OR2AG1: variants seen among roughly 807,000 people sequenced by gnomAD.
The protein encoded by OR2AG1 is olfactory receptor 2AG1.
For synonymous variants in OR2AG1, 157 were observed against 155.6 expected (o/e 1.01, Z -0.07); for missense variants, 391 against 385.9 (o/e 1.01, Z -0.11).
In OR2AG1 at chr11:6,785,030, A is replaced by G. The variant is rs747573420; in HGVS notation, c.-8A>G. On this transcript the variant is annotated 5_prime_UTR_variant, in exon 2 of 2. Coordinates refer to ENST00000641258, the MANE Select transcript of OR2AG1 (RefSeq NM_001004489.3). ...CATCTTGTTCTAGGTGATGAAAGAA[A>G]CCACAGCATGGAGCTCTGGAACTTC... 5.1e-6 allele frequency: 8 copies of G among 1,568,958 alleles called. No individual in the cohort carries two copies. Among genetic ancestry groups the G allele is most frequent in the Admixed American group, 3.6e-5 (2 of 56,004 alleles).
At position 6,791,417 on chromosome 11, in the gene OR2AG1, A is replaced by G. The variant is rs1027028158; in HGVS notation, c.*5429A>G. 2 of 152,218 alleles carry G rather than the reference A, an allele frequency of 1.3e-5. No homozygotes were observed. Among genetic ancestry groups the G allele is most frequent in the Non-Finnish European group, 2.9e-5 (2 of 68,048 alleles). 9.4% of individuals were successfully genotyped at this position (152,218 alleles called of 1,614,324 possible). On this transcript the variant is annotated 3_prime_UTR_variant, in exon 2 of 2. Coordinates refer to ENST00000641258, the MANE Select transcript of OR2AG1 (RefSeq NM_001004489.3). ...GCCCGCTTCTCTACCAAGCACACGG[A>G]GATGTCCACTTATTCTTGCTGGCAC...
Position 6,788,436 on chromosome 11 carries a change from G to T in OR2AG1, c.*2448G>T, listed in dbSNP as rs1218355623. 1.3e-5 allele frequency: 2 copies of T among 151,926 alleles called. No individual in the cohort carries two copies. The highest frequency in any genetic ancestry group is 4.8e-5 in the African/African-American group (2 of 41,338). 9.4% of individuals were successfully genotyped at this position (151,926 alleles called of 1,614,324 possible). A position where few individuals can be genotyped will look rare whatever the true frequency, so the allele number is the denominator to read the frequency against. On this transcript the variant is annotated 3_prime_UTR_variant, in exon 2 of 2. Transcript: ENST00000641258. Reference sequence around the variant, plus strand: ...TTCTATTATTTTACTACCTTCATCAGACATGTTCTAGTAAGCTATATTTTG... The same window carrying T: ...TTCTATTATTTTACTACCTTCATCATACATGTTCTAGTAAGCTATATTTTG...
Position 6,787,168 on chromosome 11 carries a change from C to A in OR2AG1, c.*1180C>A, listed in dbSNP as rs1230258306. On this transcript the variant is annotated 3_prime_UTR_variant, in exon 2 of 2. Coordinates refer to ENST00000641258, the MANE Select transcript of OR2AG1 (RefSeq NM_001004489.3). ...TACACGTATTTATATGAATTTCCTTCCATTTTAATACAGGCATGCATTTTA... is the reference window on the plus strand; with the variant it reads ...TACACGTATTTATATGAATTTCCTTACATTTTAATACAGGCATGCATTTTA... The A allele has an allele frequency of 2.0e-5, 3 of 152,110 alleles. No individual in the cohort carries two copies. Among genetic ancestry groups the A allele is most frequent in the African/African-American group, 7.2e-5 (3 of 41,422 alleles). 9.4% of individuals were successfully genotyped at this position (152,110 alleles called of 1,614,324 possible).
chr11:6,787,654 C>CGTGTGTGT lies in OR2AG1; in HGVS notation c.*1689_*1696dup, dbSNP rs10561605. On this transcript the variant is annotated 3_prime_UTR_variant, in exon 2 of 2. Coordinates refer to ENST00000641258, the MANE Select transcript of OR2AG1 (RefSeq NM_001004489.3). The stretch of plus-strand genomic sequence containing the variant: ...ATCATTGTTTTACCTTTAACATTGT[C>CGTGTGTGT]GTGTGTGTGTGTGTGTGTGTGTGTG... 6.8e-6 allele frequency: 1 copy of CGTGTGTGT among 146,938 alleles called. No homozygotes were observed. The highest frequency in any genetic ancestry group is 2.0e-4 in the East Asian group (1 of 5,012). 9.1% of individuals were successfully genotyped at this position (146,938 alleles called of 1,614,324 possible).
In OR2AG1 at chr11:6,787,731, A is replaced by G. The variant is rs941261618; in HGVS notation, c.*1743A>G. 2 of 150,990 alleles carry G rather than the reference A, an allele frequency of 1.3e-5. No individual in the cohort carries two copies. The highest frequency in any genetic ancestry group is 2.9e-5 in the Non-Finnish European group (2 of 67,814). 9.4% of individuals were successfully genotyped at this position (150,990 alleles called of 1,614,324 possible). ...TGTGTGTGTGAAATCAATAATGTCA[A>G]TCTCTTGGATGTGTGACTTTTTTTC... On this transcript the variant is annotated 3_prime_UTR_variant, in exon 2 of 2. Transcript: ENST00000641258.
At chr11:6,784,240 G>A (rs1348151899) in intron 1 of OR2AG1, among the ~76,000 whole-genome samples, 1 of 152,136 alleles carries the variant, frequency 6.6e-6, no homozygotes. Flanking sequence ...ATGCTCTCTT[G>A]CTCCCTTTCA....
chr11:6,786,254 G>T lies in OR2AG1; in HGVS notation c.*266G>T. ...TTCCCAGGAAGGTATTTAGTTAAAT[G>T]GGTTCCCACCTTGGGACATGACCCC... On this transcript the variant is annotated 3_prime_UTR_variant, in exon 2 of 2. Transcript: ENST00000641258. The T allele has an allele frequency of 2.9e-6, 1 of 341,700 alleles. No individual in the cohort carries two copies. Among genetic ancestry groups the T allele is most frequent in the Non-Finnish European group, 5.3e-6 (1 of 189,600 alleles). The allele number at this position is 341,700 out of a possible 1,614,324, so 21.2% of individuals were successfully genotyped here.
intron 1 of OR2AG1, among the ~76,000 whole-genome samples, chr11:6,783,923 G>A (rs1000977663): frequency 2.0e-5 from 3 of 152,220 alleles, no homozygotes; most frequent in Non-Finnish European, 4.4e-5. Context: ...CATATATGGG[G>A]AAATGATTGA....
rs1403304069 is a variant in OR2AG1, at chr11:6,788,888, C to T, written c.*2900C>T. 1 of 150,702 alleles carries T rather than the reference C, an allele frequency of 6.6e-6. No individual in the cohort carries two copies. Among genetic ancestry groups the T allele is most frequent in the East Asian group, 2.0e-4 (1 of 5,128 alleles). 9.3% of individuals were successfully genotyped at this position (150,702 alleles called of 1,614,324 possible). On this transcript the variant is annotated 3_prime_UTR_variant, in exon 2 of 2. Transcript: ENST00000641258. Reference sequence around the variant, plus strand: ...CACCACTGCACTCCAGCCTGGGCAACAGAGTGAGATTCTGTCACAAAATAA... The same window carrying T: ...CACCACTGCACTCCAGCCTGGGCAATAGAGTGAGATTCTGTCACAAAATAA...
At position 6,785,245 on chromosome 11, in the gene OR2AG1, G is replaced by C; in HGVS notation, c.208G>C (p.Asp70His). The C allele has an allele frequency of 6.2e-7, 1 of 1,614,092 alleles. No homozygotes were observed. The highest frequency in any genetic ancestry group is 1.1e-5 in the South Asian group (1 of 91,074). The change falls in exon 2 of 2, where the codon GAC becomes CAC. Residue 70 changes from aspartate to histidine, a missense_variant. By Grantham distance (81) the Asp-to-His change is moderately conservative. Transcript: ENST00000641258. ...YLLLGQLSLM[D>H]LLFTSVVTPK... ...CCTGCTTGGGCAGCTCTCTCTCATG[G>C]ACCTCCTGTTCACATCTGTTGTCAC...
Position 6,785,850 on chromosome 11 carries a change from C to G in OR2AG1, c.813C>G (p.Asp271Glu), listed in dbSNP as rs1314240265. 16 of 1,614,130 alleles carry G rather than the reference C, an allele frequency of 9.9e-6. No homozygotes were observed. Among genetic ancestry groups the G allele is most frequent in the Non-Finnish European group, 1.4e-5 (16 of 1,180,014 alleles). The change falls in exon 2 of 2, where the codon GAC becomes GAG. Residue 271 changes from aspartate (D) to glutamate (E), a missense_variant. Transcript: ENST00000641258. ...LPSSFHSTRQ[D>E]NIISVFYTIV... ...GTTCCTTCCACAGCACCAGACAAGA[C>G]AACATCATCTCTGTTTTCTACACAA... is the stretch of plus-strand genomic sequence containing the variant.
rs1167861494 is a variant in OR2AG1 at position 6,785,512 on chromosome 11, T to A, written c.475T>A (p.Tyr159Asn). The change falls in exon 2 of 2, where the codon TAT (tyrosine) becomes AAT (asparagine). Residue 159 changes from tyrosine to asparagine, a missense_variant. Physicochemically the swap from Tyr to Asn is moderately radical, Grantham distance 143 (BLOSUM62 -2). Coordinates refer to ENST00000641258, the MANE Select transcript of OR2AG1 (RefSeq NM_001004489.3). ...WILASLSALI[Y>N]TVYTMHYPFC... ...CCTGGCATCCCTAAGTGCCCTAATATATACCGTGTATACCATGCACTATCC... is the reference window on the plus strand; with the variant it reads ...CCTGGCATCCCTAAGTGCCCTAATAAATACCGTGTATACCATGCACTATCC... 6.2e-7 allele frequency: 1 copy of A among 1,613,994 alleles called. No individual in the cohort carries two copies. Among genetic ancestry groups the A allele is most frequent in the Admixed American group, 1.7e-5 (1 of 60,022 alleles).
chr11:6,787,407 G>A lies in OR2AG1; in HGVS notation c.*1419G>A, dbSNP rs1408310011. 1 of 152,144 alleles carries A rather than the reference G, an allele frequency of 6.6e-6. No homozygotes were observed. Among genetic ancestry groups the A allele is most frequent in the East Asian group, 1.9e-4 (1 of 5,200 alleles). The allele number at this position is 152,144 out of a possible 1,614,324, so 9.4% of individuals were successfully genotyped here. A position where few individuals can be genotyped will look rare whatever the true frequency, so the allele number is the denominator to read the frequency against. On this transcript the variant is annotated 3_prime_UTR_variant, in exon 2 of 2. Transcript: ENST00000641258. Reference sequence around the variant, plus strand: ...GCCCAAGTCTGCAAGTTTGCAAAGTGTAAGTTGACATTAACAATAAGACCT... The same window carrying A: ...GCCCAAGTCTGCAAGTTTGCAAAGTATAAGTTGACATTAACAATAAGACCT...
rs1463954 is a variant in OR2AG1 at position 6,783,036 on chromosome 11, C to A, written c.-456C>A. The A allele has an allele frequency of 0.26, 40,156 of 152,174 alleles. 5,795 individuals carry two copies. The highest frequency in any genetic ancestry group is 0.35 in the Middle Eastern group (104 of 294). The allele number at this position is 152,174 out of a possible 1,614,324, so 9.4% of individuals were successfully genotyped here. On this transcript the variant is annotated 5_prime_UTR_variant, in exon 1 of 2. Transcript: ENST00000641258. ...TGCAGCTTTTATCTTTGCTCCCTGA[C>A]CCCAGCAAGAATGAAGGAAAGTCTG...
In OR2AG1 at chr11:6,787,257, A is replaced by G. The variant is rs1943149165; in HGVS notation, c.*1269A>G. 6.6e-6 allele frequency: 1 copy of G among 152,026 alleles called. No individual in the cohort carries two copies. The highest frequency in any genetic ancestry group is 2.1e-4 in the South Asian group (1 of 4,816). 9.4% of individuals were successfully genotyped at this position (152,026 alleles called of 1,614,324 possible). A position where few individuals can be genotyped will look rare whatever the true frequency, so the allele number is the denominator to read the frequency against. Reference sequence around the variant, plus strand: ...CTACAAGCATATAGTTATTTTTCCTATATTATATAGTGGCAGTATACAGCA... The same window carrying G: ...CTACAAGCATATAGTTATTTTTCCTGTATTATATAGTGGCAGTATACAGCA... On this transcript the variant is annotated 3_prime_UTR_variant, in exon 2 of 2. Coordinates refer to ENST00000641258, the MANE Select transcript of OR2AG1 (RefSeq NM_001004489.3).
rs1420520706 is a variant in OR2AG1 at position 6,791,507 on chromosome 11, CTT to C, written c.*5521_*5522del. On this transcript the variant is annotated 3_prime_UTR_variant, in exon 2 of 2. Coordinates refer to ENST00000641258, the MANE Select transcript of OR2AG1 (RefSeq NM_001004489.3). ...AGTTGCTAAGTATATAAAGCACTAA[CTT>C]TATCAATTTTGTTAATTATACTTCA... 1 of 152,160 alleles carries C rather than the reference CTT, an allele frequency of 6.6e-6. No homozygotes were observed. Among genetic ancestry groups the C allele is most frequent in the Non-Finnish European group, 1.5e-5 (1 of 68,038 alleles). The allele number at this position is 152,160 out of a possible 1,614,324, so 9.4% of individuals were successfully genotyped here.
rs1847637149 is a variant in OR2AG1, at chr11:6,787,220, G to A, written c.*1232G>A. On this transcript the variant is annotated 3_prime_UTR_variant, in exon 2 of 2. Transcript: ENST00000641258. ...TGAGTTGATGTGTGTGTGTAAAACA[G>A]ATTTTTTTAACCTACAAGCATATAG... 1 of 152,070 alleles carries A rather than the reference G, an allele frequency of 6.6e-6. No individual in the cohort carries two copies. The highest frequency in any genetic ancestry group is 2.4e-5 in the African/African-American group (1 of 41,424). The allele number at this position is 152,070 out of a possible 1,614,324, so 9.4% of individuals were successfully genotyped here. A position where few individuals can be genotyped will look rare whatever the true frequency, so the allele number is the denominator to read the frequency against.
At position 6,785,591 on chromosome 11, in the gene OR2AG1, T is replaced by C. The variant is rs772745473; in HGVS notation, c.554T>C (p.Leu185Pro). The stretch of plus-strand genomic sequence containing the variant: ...CTTCTCTGTGAGATCCCACACTTGC[T>C]GAAGGTGGCCTGTGCTGATACCTCC... Reference protein sequence around the residue: ...RHLLCEIPHLLKVACADTSRY... With the variant: ...RHLLCEIPHLPKVACADTSRY... Residue 185 changes from leucine (L) to proline (P), a missense_variant, in exon 2 of 2, where the codon CTG becomes CCG. Coordinates refer to ENST00000641258, the MANE Select transcript of OR2AG1 (RefSeq NM_001004489.3). The C allele has an allele frequency of 2.5e-6, 4 of 1,614,216 alleles. No homozygotes were observed. The Admixed American group carries it at 6.7e-5, about 27-fold the overall frequency.
chr11:6,783,955 A>G (rs532206904), intron 1 of OR2AG1, among the ~76,000 whole-genome samples: 1 of 152,340 alleles, frequency 6.6e-6, no homozygotes, highest in Admixed American at 6.5e-5. Context: ...TCACTTCAAA[A>G]TCTTTAACTG....
Sources: allele counts gnomAD v4.1 joint callset (sites outside exome capture counted in the v4.1 genomes callset), GRCh38; gene constraint gnomAD v4.1.1; transcripts MANE v1.5; gene names NCBI Gene and HGNC (gene_info 2026-07-23, HGNC 2026-07-21).